Variants in HCN2 observed in about 807,000 individuals in gnomAD.
The protein encoded by HCN2 is hyperpolarization activated cyclic nucleotide gated potassium and sodium channel 2.
Under a neutral mutation model 52.3 loss-of-function variants are expected in HCN2, and 20 were observed. The observed-to-expected ratio is 0.38, with a 90% CI of 0.27 to 0.56. The LOEUF is 0.56. Among genes scored for constraint, HCN2 ranks in the 20% least tolerant of loss-of-function variants. The pLI, the probability that HCN2 is intolerant of heterozygous loss-of-function variation, is 0.71. For synonymous variants in HCN2, 694 were observed against 537.0 expected (o/e 1.29, Z -4.04); for missense variants, 981 against 1,207.7 (o/e 0.81, Z 2.78).
chr19:602,410 C>A (rs1320703996), intron 1 of HCN2, among the ~76,000 whole-genome samples: 1 of 146,534 alleles, frequency 6.8e-6, no homozygotes, highest in Non-Finnish European at 1.5e-5. Flanking sequence ...CGTGGACGCC[C>A]CACTTCCTCC....
At chr19:612,425 T>TGAGAGAGA (rs1169120336) in intron 5 of HCN2, among the ~76,000 whole-genome samples, 2 of 109,422 alleles carry the variant, frequency 1.8e-5, no homozygotes, top group African/African-American at 5.8e-5. Flanking sequence ...TGTGTGTGTG[T>TGAGAGAGA]GTGAGAGAGA....
intron 4 of HCN2, among the ~76,000 whole-genome samples, chr19:609,297 A>G (rs7508326): frequency 0.15 from 22,276 of 152,196 alleles, 1,971 homozygotes; most frequent in South Asian, 0.25. Context: ...ACCCCCGCCC[A>G]GCACCCACGC....
chr19:601,697 G>A (rs1040713142), intron 1 of HCN2, among the ~76,000 whole-genome samples: 3 of 152,152 alleles, frequency 2.0e-5, no homozygotes, highest in Non-Finnish European at 2.9e-5. Flanking sequence ...GGAGCCACCC[G>A]TGTTTGCTCC....
At chr19:607,175 AGAAG>A (rs1332582402) in intron 3 of HCN2, among the ~76,000 whole-genome samples, 1 of 152,272 alleles carries the variant, frequency 6.6e-6, no homozygotes, top group Non-Finnish European at 1.5e-5. Context: ...CCGTCAAAAA[AGAAG>A]GAATAATAAA....
chr19:611,569 G>A lies in HCN2; in HGVS notation c.1584+1164G>A, dbSNP rs117573921. 1.6e-3 allele frequency among the ~76,000 whole-genome samples: 242 copies of A among 152,298 alleles called. 2 individuals carry two copies. Among genetic ancestry groups the A allele is most frequent in the East Asian group, 4.1e-3 (21 of 5,184 alleles). On this transcript the variant is annotated intron_variant, in intron 5 of 7. Transcript: ENST00000251287. ...GTTGCTCCCAGGAGGCACACACTGCGGTTCGCTTCGCCAAGAATGTTTAAT... is the reference window on the plus strand; with the variant it reads ...GTTGCTCCCAGGAGGCACACACTGCAGTTCGCTTCGCCAAGAATGTTTAAT...
rs370635380 is a variant in HCN2, at chr19:613,833, C to T, written c.1826-19C>T. The T allele has an allele frequency of 2.6e-5, 40 of 1,530,914 alleles. No homozygotes were observed. Among genetic ancestry groups the T allele is most frequent in the Middle Eastern group, 2.4e-4 (1 of 4,250 alleles). The allele number at this position is 1,530,914 out of a possible 1,614,324, so 94.8% of individuals were successfully genotyped here. A position where few individuals can be genotyped will look rare whatever the true frequency, so the allele number is the denominator to read the frequency against. ...GCGCCCGCCTCGTCCAGCAACCCCC[C>T]CCTGCGCGCCACGTGCAGAGATCTG... On this transcript the variant is annotated intron_variant, in intron 6 of 7. Coordinates refer to ENST00000251287, the MANE Select transcript of HCN2 (RefSeq NM_001194.4).
rs111724200 is a variant in HCN2, at chr19:595,071, G to A, written c.632+4494G>A. ...TAAAAAATTAGCCAGGCGTGGTGGC[G>A]TGCACCTGTAGTCCCAGCTACTCTG... On this transcript the variant is annotated intron_variant, in intron 1 of 7. Coordinates refer to ENST00000251287, the MANE Select transcript of HCN2 (RefSeq NM_001194.4). Among the ~76,000 whole-genome samples the A allele has an allele frequency of 4.7e-3, 714 of 151,890 alleles. 11 individuals are homozygous for A. Among genetic ancestry groups the A allele is most frequent in the African/African-American group, 0.017 (686 of 41,376 alleles).
intron 1 of HCN2, among the ~76,000 whole-genome samples, chr19:600,487 CG>C (rs1436239123): frequency 2.0e-5 from 3 of 152,100 alleles, no homozygotes; most frequent in African/African-American, 4.8e-5. Context: ...ACTACAGGCA[CG>C]TGCCATCATG....
chr19:612,427 T>TGTGTGTGTGAGA, intron 5 of HCN2, among the ~76,000 whole-genome samples: 11,836 of 142,010 alleles, frequency 0.083, 648 homozygotes, highest in Non-Finnish European at 0.13. Context: ...TGTGTGTGTG[T>TGTGTGTGTGAGA]GAGAGAGAGA....
chr19:604,933 C>A, intron 2 of HCN2, 128 bp from the exon 3 acceptor site: 1 of 964,170 alleles, frequency 1.0e-6, no homozygotes, highest in Non-Finnish European at 1.5e-6. Flanking sequence ...GGGCGGGGGT[C>A]CTGTGCGGGG....
intron 1 of HCN2, among the ~76,000 whole-genome samples, chr19:601,823 G>A (rs1983211685): frequency 1.3e-5 from 2 of 148,610 alleles, no homozygotes; most frequent in South Asian, 4.3e-4. Flanking sequence ...CACCGTGTCT[G>A]GCCCGCCATA....
At chr19:597,444 G>C (rs115038511) in intron 1 of HCN2, among the ~76,000 whole-genome samples, 2 of 152,194 alleles carry the variant, frequency 1.3e-5, no homozygotes. Context: ...TTAAAACCAG[G>C]TACCCCTTGG....
At chr19:614,248 G>C (rs1405394716) in intron 7 of HCN2, among the ~76,000 whole-genome samples, 1 of 152,190 alleles carries the variant, frequency 6.6e-6, no homozygotes. Context: ...TGGGTCTAGA[G>C]GCTGATTTTC....
intron 1 of HCN2, among the ~76,000 whole-genome samples, chr19:601,963 G>T (rs896403629): frequency 2.0e-5 from 3 of 151,990 alleles, no homozygotes; most frequent in Non-Finnish European, 2.9e-5. Context: ...TCTTGTCCAC[G>T]GGTATTTATC....
rs551465747 is a variant in HCN2, at chr19:611,525, T to TGG, written c.1584+1126_1584+1127dup. Among the ~76,000 whole-genome samples the TGG allele has an allele frequency of 3.9e-5, 6 of 152,208 alleles. No homozygotes were observed. The East Asian group carries it at 1.2e-3, about 29-fold the overall frequency. ...GGACCTCGGGCCCCGGGAATGCCTC[T>TGG]GGGGGGGCGTGTACACCCGTTGCTC... On this transcript the variant is annotated intron_variant, in intron 5 of 7. Transcript: ENST00000251287.
Position 616,464 on chromosome 19 carries a change from C to T in HCN2, c.2660C>T (p.Ser887Phe), listed in dbSNP as rs1600544497. The change falls in exon 8 of 8, where the codon TCC (serine) becomes TTC (phenylalanine). Residue 887 changes from serine (S) to phenylalanine (F), a missense_variant. Ser to Phe is a radical substitution (Grantham distance 155). This residue lies in a region of HCN2 where 368 missense variants were observed against 314.8 expected (regional missense o/e 1.17). Transcript: ENST00000251287. ...PQDSARSRLSSNL is the reference protein window; with the variant it reads ...PQDSARSRLSFNL ...GACTCCGCGCGCTCGCGCCTCTCGT[C>T]CAACTTGTGACCCTCGCCGACCGCC... The T allele has an allele frequency of 2.4e-6, 3 of 1,235,078 alleles. No individual in the cohort carries two copies. Among genetic ancestry groups the T allele is most frequent in the Non-Finnish European group, 3.0e-6 (3 of 986,686 alleles). 76.5% of individuals were successfully genotyped at this position (1,235,078 alleles called of 1,614,324 possible). A position where few individuals can be genotyped will look rare whatever the true frequency, so the allele number is the denominator to read the frequency against.
chr19:593,225 C>A (rs1344307960), intron 1 of HCN2, among the ~76,000 whole-genome samples: 2 of 152,216 alleles, frequency 1.3e-5, no homozygotes, highest in Non-Finnish European at 2.9e-5. Context: ...CAGCAGGTGC[C>A]ACATATTTGC....
intron 3 of HCN2, 34 bp downstream of exon 3, chr19:605,256 G>A (rs532939217): frequency 8.8e-6 from 14 of 1,599,584 alleles, no homozygotes; most frequent in South Asian, 2.2e-5. Flanking sequence ...AGGGGGAGAC[G>A]CAGGCTCCCA....
chr19:602,706 A>G (rs933029434), intron 1 of HCN2, among the ~76,000 whole-genome samples: 10 of 151,956 alleles, frequency 6.6e-5, no homozygotes, highest in African/African-American at 2.4e-4. Flanking sequence ...TTTAACGCCA[A>G]CCTTGTGCCA....
Sources: allele counts gnomAD v4.1 joint callset (sites outside exome capture counted in the v4.1 genomes callset), GRCh38; gene constraint gnomAD v4.1.1; regional missense constraint gnomAD v4.1.1; transcripts MANE v1.5; gene names NCBI Gene and HGNC (gene_info 2026-07-23, HGNC 2026-07-21).